TMEFF2: variants seen among roughly 807,000 people sequenced by gnomAD.
TMEFF2 encodes the protein transmembrane protein with EGF like and two follistatin like domains 2.
Under a neutral mutation model 53.8 loss-of-function variants are expected in TMEFF2, and 28 were observed. The ratio of observed to expected loss-of-function variants is 0.52; its 90% CI spans 0.39 to 0.71. The LOEUF (loss-of-function observed/expected upper bound fraction) is 0.71, where lower values mean the gene tolerates loss of function less well. Among genes scored for constraint, TMEFF2 ranks in the 30% least tolerant of loss-of-function variants. The probability of loss-of-function intolerance (pLI) is 0.00; values close to 1 mark genes in which losing one functional copy is unlikely to be tolerated. For missense variants in TMEFF2, 353 were observed against 455.2 expected, an observed-to-expected ratio of 0.78 and a Z score of 2.04; for synonymous variants, 162 against 166.3, an observed-to-expected ratio of 0.97 and a Z score of 0.20.
intron 5 of TMEFF2, among the ~76,000 whole-genome samples, chr2:192,030,927 C>T (rs548643594): frequency 1.8e-4 from 28 of 151,928 alleles, no homozygotes; most frequent in Non-Finnish European, 2.6e-4. Context: ...TTGGGCGGGG[C>T]GGGGAGTTGA....
chr2:191,979,083 T>C (rs1424042301), intron 7 of TMEFF2, among the ~76,000 whole-genome samples: 2 of 152,196 alleles, frequency 1.3e-5, no homozygotes, highest in Non-Finnish European at 2.9e-5. Flanking sequence ...AGTTTACATA[T>C]TAGGATTTAC....
At chr2:192,029,222 C>G (rs1386604920) in intron 5 of TMEFF2, 1 of 152,184 alleles carries the variant, frequency 6.6e-6, no homozygotes, top group African/African-American at 2.4e-5. Flanking sequence ...CAACAACCAC[C>G]AAGAGCCTGA....
At chr2:192,191,858 A>T (rs1381800781) in intron 2 of TMEFF2, 22 bp downstream of exon 2, 1 of 1,476,436 alleles carries the variant, frequency 6.8e-7, no homozygotes, top group Non-Finnish European at 9.5e-7. Flanking sequence ...GAATTAGAAG[A>T]TGCAAATATA....
chr2:192,088,252 G>A (rs1688710803), intron 4 of TMEFF2, among the ~76,000 whole-genome samples: 1 of 151,942 alleles, frequency 6.6e-6, no homozygotes, highest in African/African-American at 2.4e-5. Flanking sequence ...AGAAAAGACT[G>A]AATCCATGAA....
At chr2:192,172,442 C>T (rs1425175134) in intron 4 of TMEFF2, among the ~76,000 whole-genome samples, 3 of 151,880 alleles carry the variant, frequency 2.0e-5, no homozygotes, top group Non-Finnish European at 4.4e-5. Flanking sequence ...AGTAGCCTGG[C>T]TAGTAAGTGG....
intron 4 of TMEFF2, among the ~76,000 whole-genome samples, chr2:192,154,624 T>C (rs1373323958): frequency 6.6e-6 from 1 of 152,014 alleles, no homozygotes; most frequent in African/African-American, 2.4e-5. Flanking sequence ...CTCTTTTTAA[T>C]AATCCTTCTA....
chr2:192,158,399 T>C (rs1278008294), intron 4 of TMEFF2, among the ~76,000 whole-genome samples: 1 of 152,128 alleles, frequency 6.6e-6, no homozygotes, highest in East Asian at 1.9e-4. Flanking sequence ...GATCTGATGC[T>C]AGCCAAGCAT....
intron 4 of TMEFF2, among the ~76,000 whole-genome samples, chr2:192,059,860 C>G (rs1330180513): frequency 6.6e-6 from 1 of 152,072 alleles, no homozygotes; most frequent in Non-Finnish European, 1.5e-5. Flanking sequence ...AATAAAGTGC[C>G]TTTCTATGAA....
chr2:192,162,221 C>T (rs961866540), intron 4 of TMEFF2, among the ~76,000 whole-genome samples: 1 of 152,120 alleles, frequency 6.6e-6, no homozygotes, highest in Admixed American at 6.5e-5. Flanking sequence ...CTCACATCAC[C>T]ATCAGCCATG....
At chr2:192,140,597 G>A (rs1047558121) in intron 4 of TMEFF2, among the ~76,000 whole-genome samples, 16 of 152,078 alleles carry the variant, frequency 1.1e-4, no homozygotes, top group African/African-American at 3.9e-4. Flanking sequence ...AAAACACAAC[G>A]TGGGGGTGAA....
intron 4 of TMEFF2, among the ~76,000 whole-genome samples, chr2:192,136,822 T>A (rs968999853): frequency 1.3e-5 from 2 of 152,266 alleles, no homozygotes; most frequent in South Asian, 4.1e-4. Flanking sequence ...GATAAACAAC[T>A]AACTTTAGAT....
chr2:192,035,469 A>G (rs1302086722), intron 5 of TMEFF2: 1 of 152,186 alleles, frequency 6.6e-6, no homozygotes. Context: ...TCATTTTTTA[A>G]TTAAACAAAT....
At chr2:192,125,480 GATC>G (rs1318549545) in intron 4 of TMEFF2, among the ~76,000 whole-genome samples, 1 of 152,054 alleles carries the variant, frequency 6.6e-6, no homozygotes, top group Non-Finnish European at 1.5e-5. Flanking sequence ...TGATTTTTAA[GATC>G]ATCAAGAATA....
intron 7 of TMEFF2, among the ~76,000 whole-genome samples, chr2:191,973,768 A>G (rs1011258974): frequency 5.9e-5 from 9 of 152,082 alleles, no homozygotes; most frequent in African/African-American, 2.2e-4. Flanking sequence ...GTGGGAGGTA[A>G]TTGAATCATG....
chr2:192,177,616 C>T (rs887734508), intron 4 of TMEFF2: 1 of 150,418 alleles, frequency 6.6e-6, no homozygotes, highest in Non-Finnish European at 1.5e-5. Context: ...TTTTCTAAAG[C>T]AAACATCGGA....
chr2:192,095,100 G>A (rs1354934821), intron 4 of TMEFF2, among the ~76,000 whole-genome samples: 2 of 152,108 alleles, frequency 1.3e-5, no homozygotes, highest in Non-Finnish European at 2.9e-5. Flanking sequence ...AGAACCCAAT[G>A]ACTAGTTTTT....
At chr2:191,995,631 T>C (rs1686205252) in intron 7 of TMEFF2, among the ~76,000 whole-genome samples, 2 of 152,040 alleles carry the variant, frequency 1.3e-5, no homozygotes, top group Non-Finnish European at 2.9e-5. Flanking sequence ...TTCAGGAAAC[T>C]GTAAATACTA....
chr2:192,142,193 G>T (rs570465833), intron 4 of TMEFF2, among the ~76,000 whole-genome samples: 1 of 151,972 alleles, frequency 6.6e-6, no homozygotes, highest in South Asian at 2.1e-4. Flanking sequence ...CTCTGTGAAC[G>T]TTAGGTATCA....
At chr2:191,979,923 A>G (rs962920059) in intron 7 of TMEFF2, among the ~76,000 whole-genome samples, 4 of 151,508 alleles carry the variant, frequency 2.6e-5, no homozygotes, top group African/African-American at 7.4e-5. Flanking sequence ...TGGTTAAATA[A>G]TATTAGTATG....
Sources: allele counts gnomAD v4.1 joint callset (sites outside exome capture counted in the v4.1 genomes callset), GRCh38; gene constraint gnomAD v4.1.1; transcripts MANE v1.5; gene names NCBI Gene and HGNC (gene_info 2026-07-23, HGNC 2026-07-21).